The following CALN1 variants were observed in gnomAD, a reference collection of about 807,000 sequenced individuals.
CALN1 encodes the protein calcium-binding protein 8.
Under a neutral mutation model 30.6 loss-of-function variants are expected in CALN1, and 17 were observed. That is an observed-to-expected ratio of 0.56 (90% CI 0.38 to 0.83). CALN1 has a LOEUF of 0.83. Among genes scored for constraint, CALN1 ranks in the 40% least tolerant of loss-of-function variants. The pLI, the probability that CALN1 is intolerant of heterozygous loss-of-function variation, is 0.00. For synonymous variants in CALN1, 156 were observed against 131.4 expected (o/e 1.19, Z -1.28); for missense variants, 291 against 354.9 (o/e 0.82, Z 1.45).
chr7:72,336,954 G>A, intron 2 of CALN1: 2 of 985,092 alleles, frequency 2.0e-6, no homozygotes, highest in Non-Finnish European at 2.4e-6. Flanking sequence ...CCCCCTCGTC[G>A]ACTCGGAGCG....
intron 1 of CALN1, among the ~76,000 whole-genome samples, chr7:72,425,019 G>A (rs1807751722): frequency 6.6e-6 from 1 of 152,108 alleles, no homozygotes; most frequent in Non-Finnish European, 1.5e-5. Context: ...CAATCCACAG[G>A]CTCTAGGACT....
intron 5 of CALN1, among the ~76,000 whole-genome samples, chr7:72,017,023 G>T (rs1283446569): frequency 9.5e-6 from 1 of 105,626 alleles, no homozygotes; most frequent in Non-Finnish European, 1.8e-5. Context: ...AAAAAGCTGG[G>T]TATGGTGGCA....
At chr7:72,434,788 G>T (rs1012974886) in intron 1 of CALN1, among the ~76,000 whole-genome samples, 5 of 152,188 alleles carry the variant, frequency 3.3e-5, no homozygotes, top group African/African-American at 1.2e-4. Context: ...CCACAGAGCA[G>T]AACAGCAGGA....
intron 3 of CALN1, among the ~76,000 whole-genome samples, chr7:72,214,179 T>C (rs556625975): frequency 2.6e-5 from 4 of 152,218 alleles, no homozygotes; most frequent in Admixed American, 6.5e-5. Flanking sequence ...CTACCTTCTT[T>C]ATAAATATTT....
the CALN1 span, among the ~76,000 whole-genome samples, chr7:72,464,038 A>AAAAGAAAGAAAGAAGAAAGAG: frequency 1.3e-4 from 19 of 151,488 alleles, no homozygotes; most frequent in Admixed American, 1.1e-3. Flanking sequence ...AGAAAGAAGG[A>AAAAGAAAGAAAGAAGAAAGAG]AAAGAAAGAA....
At chr7:71,799,729 A>G (rs28696037) in intron 6 of CALN1, among the ~76,000 whole-genome samples, 181 of 151,822 alleles carry the variant, frequency 1.2e-3, no homozygotes, top group African/African-American at 4.2e-3. Flanking sequence ...ACCGGCCTCA[A>G]CCTCCCAAAG....
At chr7:72,000,938 G>A (rs1799497440) in intron 5 of CALN1, among the ~76,000 whole-genome samples, 1 of 152,126 alleles carries the variant, frequency 6.6e-6, no homozygotes, top group Non-Finnish European at 1.5e-5. Context: ...TGGGCAGGTA[G>A]TTGTTAAGTT....
At chr7:72,107,174 G>T (rs1807234204) in intron 3 of CALN1, among the ~76,000 whole-genome samples, 2 of 152,082 alleles carry the variant, frequency 1.3e-5, no homozygotes, top group African/African-American at 4.8e-5. Context: ...ATGAGGATTT[G>T]GTTTCAGCTG....
chr7:72,212,584 C>G (rs1792493034), intron 3 of CALN1, among the ~76,000 whole-genome samples: 1 of 150,616 alleles, frequency 6.6e-6, no homozygotes, highest in African/African-American at 2.5e-5. Context: ...CTTTAGGAGG[C>G]TGACAGGATT....
chr7:72,297,070 A>G (rs1390649985), intron 2 of CALN1, among the ~76,000 whole-genome samples: 1 of 152,120 alleles, frequency 6.6e-6, no homozygotes, highest in Admixed American at 6.5e-5. Context: ...ATTTAGTGCT[A>G]TAAATTTCCC....
intron 3 of CALN1, among the ~76,000 whole-genome samples, chr7:72,139,766 C>CGT (rs1809762184): frequency 6.6e-6 from 1 of 152,252 alleles, no homozygotes; most frequent in South Asian, 2.1e-4. Context: ...CTCCTTAACC[C>CGT]ACCCTACAGA....
At chr7:72,113,591 G>A (rs901060552) in intron 3 of CALN1, among the ~76,000 whole-genome samples, 4 of 152,230 alleles carry the variant, frequency 2.6e-5, no homozygotes, top group Middle Eastern at 3.2e-3. Context: ...AGGATGGCCT[G>A]TAGCCAAGCC....
At chr7:71,848,945 C>A (rs1191012813) in intron 5 of CALN1, among the ~76,000 whole-genome samples, 2 of 152,052 alleles carry the variant, frequency 1.3e-5, no homozygotes, top group Non-Finnish European at 2.9e-5. Flanking sequence ...ATTGTGAATG[C>A]TGCAAACATT....
At chr7:72,182,309 C>T (rs1789869533) in intron 3 of CALN1, among the ~76,000 whole-genome samples, 1 of 151,974 alleles carries the variant, frequency 6.6e-6, no homozygotes, top group African/African-American at 2.4e-5. Flanking sequence ...AATGTGTTAC[C>T]AGACAACTAT....
Position 72,075,405 on chromosome 7 carries a change from C to T in CALN1, c.388+30746G>A, listed in dbSNP as rs148979735. Among the ~76,000 whole-genome samples the T allele has an allele frequency of 4.3e-3, 652 of 152,316 alleles. 6 individuals are homozygous for T. Among genetic ancestry groups the T allele is most frequent in the African/African-American group, 0.015 (629 of 41,564 alleles). The stretch of plus-strand genomic sequence containing the variant: ...GACAATCAGGCTGAAAGTTAAAATG[C>T]ATAGGCTGGAACATCTCACCTTTTA... On this transcript the variant is annotated intron_variant, in intron 4 of 6. Transcript: ENST00000395275.
chr7:72,443,045 C>A (rs1018821414), intron 1 of CALN1, among the ~76,000 whole-genome samples: 1 of 152,198 alleles, frequency 6.6e-6, no homozygotes, highest in Admixed American at 6.5e-5. Context: ...TTTAGGATTG[C>A]ACTTTGTTAA....
chr7:71,893,754 G>A (rs2116897617), intron 5 of CALN1, among the ~76,000 whole-genome samples: 1 of 152,028 alleles, frequency 6.6e-6, no homozygotes, highest in East Asian at 1.9e-4. Context: ...TTCTCGGGAT[G>A]TCAAGAAGAA....
chr7:72,177,752 G>GA (rs71517077), intron 3 of CALN1, among the ~76,000 whole-genome samples: 30,439 of 131,346 alleles, frequency 0.23, 4,242 homozygotes, highest in Non-Finnish European at 0.32. Context: ...GCGACAGAGG[G>GA]AAAAAAAAAA....
intron 2 of CALN1, among the ~76,000 whole-genome samples, chr7:72,301,085 T>A (rs189091841): frequency 1.1e-3 from 163 of 152,210 alleles, no homozygotes; most frequent in African/African-American, 3.5e-3. Context: ...GAGGGCAGGA[T>A]GAATTCATCC....
Sources: gnomAD v4.1 joint callset for allele counts (sites outside exome capture counted in the v4.1 genomes callset) on GRCh38, gnomAD v4.1.1 for gene constraint, MANE v1.5 for transcripts, NCBI Gene and HGNC (gene_info 2026-07-23, HGNC 2026-07-21) for gene names.